The following SDK1 variants were observed in gnomAD, a reference collection of about 807,000 sequenced individuals.
The protein encoded by SDK1 is sidekick cell adhesion molecule 1, also known as protein sidekick-1.
In SDK1, 157 loss-of-function variants were observed where a neutral mutation model predicts 245.5. That is an observed-to-expected ratio of 0.64 (90% CI 0.56 to 0.73). The LOEUF is 0.73. Ranked by LOEUF, SDK1 falls within the 30% of genes least tolerant of loss-of-function variation. The pLI, the probability that SDK1 is intolerant of heterozygous loss-of-function variation, is 0.00. For missense variants in SDK1, 3,583 were observed against 3,002.3 expected, an observed-to-expected ratio of 1.19 and a Z score of -4.52; for synonymous variants, 1,647 against 1,278.5, an observed-to-expected ratio of 1.29 and a Z score of -6.15.
intron 2 of SDK1, among the ~76,000 whole-genome samples, chr7:3,632,556 C>A (rs1023190931): frequency 1.4e-5 from 2 of 140,140 alleles, no homozygotes; most frequent in African/African-American, 2.4e-5. Flanking sequence ...ATTCCATAGA[C>A]CCTCCCACAC....
At chr7:3,428,664 A>G (rs1030120069) in intron 1 of SDK1, among the ~76,000 whole-genome samples, 2 of 152,206 alleles carry the variant, frequency 1.3e-5, no homozygotes, top group African/African-American at 4.8e-5. Flanking sequence ...TAACCATGTA[A>G]GACTGCCAAG....
At chr7:3,778,725 G>A (rs1029920065) in intron 4 of SDK1, among the ~76,000 whole-genome samples, 4 of 152,166 alleles carry the variant, frequency 2.6e-5, no homozygotes, top group African/African-American at 9.7e-5. Context: ...TGGCGGAATG[G>A]CTGACTTTAA....
At chr7:3,748,932 A>G (rs1779699149) in intron 4 of SDK1, among the ~76,000 whole-genome samples, 1 of 152,184 alleles carries the variant, frequency 6.6e-6, no homozygotes, top group Non-Finnish European at 1.5e-5. Flanking sequence ...ATTCATTGAC[A>G]ATAATAACAT....
At chr7:4,178,393 C>T in intron 34 of SDK1, 92 bp from the exon 35 acceptor site, 3 of 900,288 alleles carry the variant, frequency 3.3e-6, no homozygotes, top group Non-Finnish European at 5.6e-6. Context: ...TTGGAGGGTG[C>T]TCCTTGCTTC....
At chr7:4,146,486 C>A (rs1779992977) in intron 29 of SDK1, among the ~76,000 whole-genome samples, 1 of 151,976 alleles carries the variant, frequency 6.6e-6, no homozygotes, top group Non-Finnish European at 1.5e-5. Flanking sequence ...CTCTCTCAGA[C>A]ACCTGAGCAT....
intron 1 of SDK1, among the ~76,000 whole-genome samples, chr7:3,432,977 C>A (rs908103676): frequency 1.3e-5 from 2 of 152,156 alleles, no homozygotes; most frequent in South Asian, 2.1e-4. Flanking sequence ...TGACTAGAAT[C>A]TTTGAATTCT....
intron 1 of SDK1, among the ~76,000 whole-genome samples, chr7:3,346,435 A>G (rs1780498624): frequency 6.6e-6 from 1 of 152,110 alleles, no homozygotes; most frequent in African/African-American, 2.4e-5. Flanking sequence ...GTCCTGATCG[A>G]TGAAGCTACT....
intron 19 of SDK1, among the ~76,000 whole-genome samples, chr7:4,065,976 T>G (rs956746227): frequency 1.3e-5 from 2 of 152,090 alleles, no homozygotes; most frequent in African/African-American, 4.8e-5. Flanking sequence ...GCATTTTTTA[T>G]TACTAAAAAG....
At chr7:4,235,888 A>T (rs921509028) in intron 41 of SDK1, among the ~76,000 whole-genome samples, 6 of 152,234 alleles carry the variant, frequency 3.9e-5, no homozygotes, top group African/African-American at 1.2e-4. Flanking sequence ...AGAGTCCTCC[A>T]GGACAGCCCG....
chr7:3,328,613 GA>G (rs1166039621), intron 1 of SDK1, among the ~76,000 whole-genome samples: 1 of 151,900 alleles, frequency 6.6e-6, no homozygotes, highest in African/African-American at 2.4e-5. Flanking sequence ...TAACTGGTAT[GA>G]TTTTTTTTGT....
chr7:3,329,055 T>C (rs1195844118), intron 1 of SDK1, among the ~76,000 whole-genome samples: 2 of 152,194 alleles, frequency 1.3e-5, no homozygotes, highest in Non-Finnish European at 2.9e-5. Flanking sequence ...TTATCCCCTC[T>C]CTTGCTACTG....
At chr7:3,352,955 T>C (rs1395007821) in intron 1 of SDK1, among the ~76,000 whole-genome samples, 1 of 152,208 alleles carries the variant, frequency 6.6e-6, no homozygotes, top group Admixed American at 6.5e-5. Context: ...TACATGGGAA[T>C]ACTTTGTTGT....
intron 4 of SDK1, among the ~76,000 whole-genome samples, chr7:3,645,004 A>C (rs1277236064): frequency 1.3e-5 from 2 of 151,998 alleles, no homozygotes; most frequent in African/African-American, 4.8e-5. Context: ...GTGGCAGCAA[A>C]ATTCATGGTG....
chr7:3,339,278 T>G (rs1195923902), intron 1 of SDK1, among the ~76,000 whole-genome samples: 1 of 152,090 alleles, frequency 6.6e-6, no homozygotes, highest in Admixed American at 6.6e-5. Flanking sequence ...TCAAGATACA[T>G]GAAGCAAAAA....
At chr7:3,487,062 G>T (rs1290569901) in intron 1 of SDK1, among the ~76,000 whole-genome samples, 2 of 152,154 alleles carry the variant, frequency 1.3e-5, no homozygotes, top group Admixed American at 1.3e-4. Flanking sequence ...TCGCCATTGT[G>T]TTGTGAAAGT....
intron 5 of SDK1, among the ~76,000 whole-genome samples, chr7:3,854,486 T>G (rs1337488334): frequency 6.6e-6 from 1 of 152,222 alleles, no homozygotes; most frequent in African/African-American, 2.4e-5. Flanking sequence ...TGGTGTTTGT[T>G]GTTGAGTGCT....
At chr7:4,104,304 T>C (rs1181625508) in intron 22 of SDK1, among the ~76,000 whole-genome samples, 1 of 152,196 alleles carries the variant, frequency 6.6e-6, no homozygotes, top group East Asian at 1.9e-4. Context: ...CAAGCAAACC[T>C]CCCGCTTTGG....
intron 1 of SDK1, among the ~76,000 whole-genome samples, chr7:3,506,001 G>C (rs1404921190): frequency 1.3e-5 from 2 of 151,850 alleles, no homozygotes; most frequent in African/African-American, 4.8e-5. Flanking sequence ...GCTTTTTACT[G>C]TCAGTTTTCT....
intron 1 of SDK1, among the ~76,000 whole-genome samples, chr7:3,312,213 A>G (rs576743596): frequency 2.0e-5 from 3 of 152,314 alleles, no homozygotes; most frequent in African/African-American, 4.8e-5. Context: ...ACAAATTAGC[A>G]TAAAATCTGG....
Sources: allele counts gnomAD v4.1 joint callset (sites outside exome capture counted in the v4.1 genomes callset), GRCh38; gene constraint gnomAD v4.1.1; transcripts MANE v1.5; gene names NCBI Gene and HGNC (gene_info 2026-07-23, HGNC 2026-07-21).